NAA11: variants seen among roughly 807,000 people sequenced by gnomAD.
The protein encoded by NAA11 is N-alpha-acetyltransferase 11.
Under a neutral mutation model 16.1 loss-of-function variants are expected in NAA11, and 15 were observed. The ratio of observed to expected loss-of-function variants is 0.93; its 90% CI spans 0.62 to 1.44. NAA11 has a LOEUF of 1.44. Among genes scored for constraint, NAA11 ranks in the 40% most tolerant of loss-of-function variants. The pLI is 0.00. For synonymous variants in NAA11, 122 were observed against 112.4 expected, an observed-to-expected ratio of 1.09 and a Z score of -0.54; for missense variants, 298 against 291.3, an observed-to-expected ratio of 1.02 and a Z score of -0.17.
the NAA11 span, among the ~76,000 whole-genome samples, chr4:79,163,745 T>A: frequency 6.6e-6 from 1 of 152,212 alleles, no homozygotes; most frequent in African/African-American, 2.4e-5. Context: ...CTGCTTAGCA[T>A]CCTCCTGAAG....
chr4:79,275,560 A>G (rs1722629452), intron 2 of NAA11, among the ~76,000 whole-genome samples: 1 of 152,108 alleles, frequency 6.6e-6, no homozygotes, highest in Non-Finnish European at 1.5e-5. Context: ...TGTCATATGT[A>G]TAGTAGGAAA....
chr4:79,241,216 G>A (rs548352798), intron 2 of NAA11, among the ~76,000 whole-genome samples: 54 of 151,944 alleles, frequency 3.6e-4, no homozygotes, highest in Admixed American at 1.1e-3. Flanking sequence ...ATTCACTTTC[G>A]CTTAAATATA....
the NAA11 span, among the ~76,000 whole-genome samples, chr4:79,207,133 G>A: frequency 6.6e-6 from 1 of 151,756 alleles, no homozygotes; most frequent in African/African-American, 2.4e-5. Context: ...ATATGAGATT[G>A]TATCATCACC....
the NAA11 span, among the ~76,000 whole-genome samples, chr4:79,197,906 C>A: frequency 6.6e-6 from 1 of 151,800 alleles, no homozygotes; most frequent in African/African-American, 2.4e-5. Context: ...AATATGATTT[C>A]TTTAGGTCAA....
intron 2 of NAA11, among the ~76,000 whole-genome samples, chr4:79,292,863 A>T (rs897730468): frequency 6.6e-6 from 1 of 152,186 alleles, no homozygotes; most frequent in African/African-American, 2.4e-5. Context: ...ATCACACTGT[A>T]TGCATTTTAA....
intron 2 of NAA11, among the ~76,000 whole-genome samples, chr4:79,261,472 C>T (rs1032470873): frequency 3.3e-5 from 5 of 152,094 alleles, no homozygotes; most frequent in South Asian, 2.1e-4. Flanking sequence ...AAATCTCAGG[C>T]GACCATGATT....
chr4:79,218,514 C>T, the NAA11 span, among the ~76,000 whole-genome samples: 1 of 151,836 alleles, frequency 6.6e-6, no homozygotes, highest in Admixed American at 6.6e-5. Context: ...CTAATAAAAC[C>T]AAGAGTTATT....
At chr4:79,262,787 A>ACAT (rs1722268844) in intron 2 of NAA11, among the ~76,000 whole-genome samples, 1 of 152,194 alleles carries the variant, frequency 6.6e-6, no homozygotes, top group Non-Finnish European at 1.5e-5. Context: ...AATGTGTTCT[A>ACAT]AAGGGCATAA....
chr4:79,314,804 A>T (rs1419666128), downstream of NAA11, among the ~76,000 whole-genome samples: 1 of 152,152 alleles, frequency 6.6e-6, no homozygotes, highest in Non-Finnish European at 1.5e-5. Context: ...CTCATACACC[A>T]TTCACTTGCC....
At chr4:79,297,691 T>C (rs1254570698) in intron 1 of NAA11, among the ~76,000 whole-genome samples, 1 of 152,004 alleles carries the variant, frequency 6.6e-6, no homozygotes, top group Non-Finnish European at 1.5e-5. Context: ...AGACTTTGGG[T>C]GCCAATAAGC....
At chr4:79,183,929 C>A in the NAA11 span, among the ~76,000 whole-genome samples, 48 of 152,210 alleles carry the variant, frequency 3.2e-4, no homozygotes, top group African/African-American at 1.2e-3. Context: ...ATGTCACATG[C>A]TGAGTTTTGT....
At chr4:79,299,957 A>G (rs1047021229) in intron 1 of NAA11, among the ~76,000 whole-genome samples, 1 of 152,142 alleles carries the variant, frequency 6.6e-6, no homozygotes, top group East Asian at 1.9e-4. Context: ...ACCACTGCCA[A>G]TGAGCTCTGG....
the NAA11 span, among the ~76,000 whole-genome samples, chr4:79,166,836 CCAGCCTGGG>C: frequency 6.7e-6 from 1 of 148,512 alleles, no homozygotes; most frequent in African/African-American, 2.5e-5. Flanking sequence ...CCACTGCGCT[CCAGCCTGGG>C]CAACAGAGCA....
At chr4:79,190,474 AAG>A in the NAA11 span, among the ~76,000 whole-genome samples, 1 of 151,172 alleles carries the variant, frequency 6.6e-6, no homozygotes. Context: ...TTTTTAAAAA[AAG>A]CACAGATTAA....
intron 2 of NAA11, among the ~76,000 whole-genome samples, chr4:79,287,230 A>C (rs1722961591): frequency 1.3e-5 from 2 of 152,176 alleles, no homozygotes. Context: ...GGAGAACCAC[A>C]TATGTCATAT....
intron 1 of NAA11, chr4:79,307,002 T>C (rs1723602938): frequency 6.6e-6 from 1 of 152,236 alleles, no homozygotes; most frequent in Admixed American, 6.5e-5. Flanking sequence ...ATCCCTGATA[T>C]ATGTCCAACC....
At chr4:79,302,273 T>C (rs2110002952) in intron 1 of NAA11, among the ~76,000 whole-genome samples, 1 of 152,322 alleles carries the variant, frequency 6.6e-6, no homozygotes, top group East Asian at 1.9e-4. Context: ...TTCTCTTTCC[T>C]TATGTCAGTC....
the NAA11 span, among the ~76,000 whole-genome samples, chr4:79,191,620 A>G: frequency 6.6e-6 from 1 of 152,032 alleles, no homozygotes. Flanking sequence ...ATTTTCTCCC[A>G]TTCTGTAGGT....
At chr4:79,208,746 A>G in the NAA11 span, among the ~76,000 whole-genome samples, 1 of 151,764 alleles carries the variant, frequency 6.6e-6, no homozygotes, top group Non-Finnish European at 1.5e-5. Context: ...TTTTGGCTAA[A>G]TAGGATAATA....
Sources: gnomAD v4.1 joint callset for allele counts (sites outside exome capture counted in the v4.1 genomes callset) on GRCh38, gnomAD v4.1.1 for gene constraint, MANE v1.5 for transcripts, NCBI Gene and HGNC (gene_info 2026-07-23, HGNC 2026-07-21) for gene names.